ARL15: variants seen among roughly 807,000 people sequenced by gnomAD.
ARL15 encodes the protein ADP-ribosylation factor-like protein 15.
Under a neutral mutation model 25.2 loss-of-function variants are expected in ARL15, and 19 were observed. That is an observed-to-expected ratio of 0.75 (90% confidence interval 0.53 to 1.10). ARL15 has a LOEUF of 1.10. Among genes scored for constraint, ARL15 ranks in the 50% least tolerant of loss-of-function variants. The probability of loss-of-function intolerance (pLI) is 0.00; values close to 1 mark genes in which losing one functional copy is unlikely to be tolerated. For synonymous variants in ARL15, 94 were observed against 86.8 expected (o/e 1.08, Z -0.46); for missense variants, 220 against 246.0 (o/e 0.89, Z 0.71).
chr5:54,155,048 G>A (rs1283736367), intron 2 of ARL15, among the ~76,000 whole-genome samples: 2 of 152,148 alleles, frequency 1.3e-5, no homozygotes, highest in Admixed American at 1.3e-4. Flanking sequence ...TTGAACCTGG[G>A]AGGCAGAGGT....
rs368528994 is a variant in ARL15, at chr5:54,171,823, G to A, written c.154C>T (p.Leu52Phe). The stretch of plus-strand genomic sequence containing the variant: ...ACGTTATCGGGGCTTTCACTGCAGA[G>A]TTTGGACAACAGACTGGTTTTGCCA... ...GSGKTSLLSKLCSESPDNVVS... is the reference protein window; with the variant it reads ...GSGKTSLLSKFCSESPDNVVS... The change falls in exon 2 of 5, where the codon CTC becomes TTC. Residue 52 changes from leucine to phenylalanine, a missense_variant. Transcript: ENST00000504924. 6.8e-6 allele frequency: 11 copies of A among 1,613,384 alleles called. No homozygotes were observed. In the East Asian group the frequency reaches 2.2e-4, roughly 33 times the overall value.
intron 4 of ARL15, among the ~76,000 whole-genome samples, chr5:53,926,418 C>A (rs1051629086): frequency 2.0e-5 from 3 of 152,018 alleles, no homozygotes; most frequent in Non-Finnish European, 2.9e-5. Context: ...GGAAAAAAGT[C>A]CCCCCACCCC....
chr5:54,203,352 T>G (rs764171695), intron 1 of ARL15, among the ~76,000 whole-genome samples: 1 of 152,192 alleles, frequency 6.6e-6, no homozygotes, highest in Non-Finnish European at 1.5e-5. Flanking sequence ...TAACATTAAC[T>G]ATATAGCATA....
chr5:54,165,825 G>A (rs1476661180), intron 2 of ARL15, among the ~76,000 whole-genome samples: 2 of 151,794 alleles, frequency 1.3e-5, no homozygotes, highest in African/African-American at 2.4e-5. Context: ...AAAATCTACA[G>A]TTTGGGCTGG....
chr5:54,074,649 A>T (rs752544453), intron 4 of ARL15, among the ~76,000 whole-genome samples: 1 of 152,170 alleles, frequency 6.6e-6, no homozygotes, highest in Non-Finnish European at 1.5e-5. Context: ...GAAAAGGCAC[A>T]TGTTTTCAGA....
chr5:54,223,418 A>C (rs1322229896), intron 1 of ARL15, among the ~76,000 whole-genome samples: 1 of 152,150 alleles, frequency 6.6e-6, no homozygotes, highest in African/African-American at 2.4e-5. Flanking sequence ...TAGAGTTCGC[A>C]CACAGTAGGC....
At chr5:54,082,107 A>AGGAGGGAGGGAGGGAT (rs143494582) in intron 4 of ARL15, among the ~76,000 whole-genome samples, 1 of 135,638 alleles carries the variant, frequency 7.4e-6, no homozygotes, top group African/African-American at 2.9e-5. Context: ...AAAGAAGGAA[A>AGGAGGGAGGGAGGGAT]GGAGGGAGGG....
chr5:54,102,376 C>A (rs908482551), intron 4 of ARL15, among the ~76,000 whole-genome samples: 1 of 152,032 alleles, frequency 6.6e-6, no homozygotes, highest in African/African-American at 2.4e-5. Context: ...TTATGTATAA[C>A]AAGAAAGAAA....
intron 4 of ARL15, among the ~76,000 whole-genome samples, chr5:54,071,909 G>A (rs1231160830): frequency 6.6e-6 from 1 of 150,958 alleles, no homozygotes; most frequent in Non-Finnish European, 1.5e-5. Context: ...GGAGGTGGAG[G>A]TTGCAGTGAG....
intron 3 of ARL15, among the ~76,000 whole-genome samples, chr5:54,113,906 C>G (rs1164773993): frequency 1.3e-5 from 2 of 152,072 alleles, no homozygotes; most frequent in Non-Finnish European, 2.9e-5. Flanking sequence ...TTAATTTCAC[C>G]TAGGGAGTTA....
At chr5:54,042,624 C>T (rs974263269) in intron 4 of ARL15, among the ~76,000 whole-genome samples, 2 of 152,190 alleles carry the variant, frequency 1.3e-5, no homozygotes, top group African/African-American at 4.8e-5. Flanking sequence ...CCTTACATAA[C>T]ACGTAGGGTT....
chr5:53,985,205 C>CT (rs1748253662), intron 4 of ARL15, among the ~76,000 whole-genome samples: 2 of 152,228 alleles, frequency 1.3e-5, no homozygotes, highest in Admixed American at 6.5e-5. Flanking sequence ...AACAGCAGGT[C>CT]TTTCTTCCCA....
At chr5:53,892,106 G>A (rs981142433) in intron 4 of ARL15, among the ~76,000 whole-genome samples, 1 of 152,170 alleles carries the variant, frequency 6.6e-6, no homozygotes, top group African/African-American at 2.4e-5. Flanking sequence ...ACTTCCACTG[G>A]AAGGCAGAAA....
At chr5:54,234,525 T>G (rs1329409619) in intron 1 of ARL15, among the ~76,000 whole-genome samples, 1 of 152,124 alleles carries the variant, frequency 6.6e-6, no homozygotes, top group Non-Finnish European at 1.5e-5. Flanking sequence ...TGCTCCCTTC[T>G]GCATCCTACA....
intron 4 of ARL15, 106 bp downstream of exon 4, chr5:54,113,096 C>G: frequency 9.1e-7 from 1 of 1,094,172 alleles, no homozygotes; most frequent in South Asian, 1.6e-5. Context: ...ATGTTGAAAG[C>G]AGCATAACCA....
chr5:53,954,160 A>G (rs1468542181), intron 4 of ARL15, among the ~76,000 whole-genome samples: 1 of 151,944 alleles, frequency 6.6e-6, no homozygotes, highest in African/African-American at 2.4e-5. Flanking sequence ...AAGTGGTAGA[A>G]TTATCCTAAT....
At chr5:54,083,016 A>G (rs1227529893) in intron 4 of ARL15, among the ~76,000 whole-genome samples, 2 of 152,198 alleles carry the variant, frequency 1.3e-5, no homozygotes, top group Non-Finnish European at 2.9e-5. Context: ...ATTTTAGAGT[A>G]AAAATAAGGG....
intron 4 of ARL15, among the ~76,000 whole-genome samples, chr5:53,931,572 C>T (rs935564386): frequency 4.6e-5 from 7 of 152,320 alleles, no homozygotes; most frequent in South Asian, 2.1e-4. Context: ...AAGGAAGCCA[C>T]AGAAGTCAAC....
intron 4 of ARL15, among the ~76,000 whole-genome samples, chr5:53,947,276 C>T (rs1210243905): frequency 6.7e-6 from 1 of 149,746 alleles, no homozygotes; most frequent in African/African-American, 2.5e-5. Context: ...GTGAGGTTCC[C>T]TTCCCTGTCT....
Sources: gnomAD v4.1 joint callset for allele counts (sites outside exome capture counted in the v4.1 genomes callset) on GRCh38, gnomAD v4.1.1 for gene constraint, MANE v1.5 for transcripts, NCBI Gene and HGNC (gene_info 2026-07-23, HGNC 2026-07-21) for gene names.